Variants in LRP1 observed in about 807,000 individuals in gnomAD.
LRP1 encodes the protein LDL receptor related protein 1.
A neutral mutation model predicts 541.5 loss-of-function variants in LRP1; 51 were observed. The ratio of observed to expected loss-of-function variants is 0.09; its 90% confidence interval spans 0.08 to 0.12. LRP1 has a LOEUF of 0.12. LRP1 is among the 10% of genes least tolerant of loss of function. LRP1 has a pLI of 1.00. For missense variants in LRP1, 3,878 were observed against 6,376.2 expected (o/e 0.61, Z 13.34); for synonymous variants, 2,219 against 2,470.8 (o/e 0.90, Z 3.02).
chr12:57,152,725 G>A (rs963827865), intron 6 of LRP1, among the ~76,000 whole-genome samples: 5 of 152,112 alleles, frequency 3.3e-5, no homozygotes, highest in Admixed American at 1.3e-4. Flanking sequence ...GTAATACCTC[G>A]TCTCTGTGGC....
At chr12:57,169,846 C>G (rs758668634) in intron 20 of LRP1, among the ~76,000 whole-genome samples, 2 of 152,196 alleles carry the variant, frequency 1.3e-5, no homozygotes, top group Non-Finnish European at 2.9e-5. Flanking sequence ...GCCTCGGGGG[C>G]GGTGGGGACC....
At position 57,210,651 on chromosome 12, in the gene LRP1, A is replaced by G. The variant is rs543506425; in HGVS notation, c.12755-67A>G. ...CTTCTCGCCCAGGTCCCCCCAGCCC[A>G]TTCCTCTGCTATAGGGCCAGGTGGT... On this transcript the variant is annotated intron_variant, in intron 82 of 88. Transcript: ENST00000243077. 3.2e-6 allele frequency: 5 copies of G among 1,542,374 alleles called. No individual in the cohort carries two copies. In the Admixed American group the frequency reaches 7.0e-5, roughly 22 times the overall value.
At chr12:57,140,457 T>C (rs1213769276) in intron 2 of LRP1, among the ~76,000 whole-genome samples, 1 of 152,264 alleles carries the variant, frequency 6.6e-6, no homozygotes, top group Admixed American at 6.5e-5. Context: ...TAGTACAGTG[T>C]ATTCATATAA....
chr12:57,161,240 T>C, intron 13 of LRP1, 125 bp downstream of exon 13: 1 of 801,310 alleles, frequency 1.2e-6, no homozygotes, highest in Non-Finnish European at 2.0e-6. Flanking sequence ...CCTCTATAGA[T>C]GTGTGCATCT....
chr12:57,160,125 A>T (rs2035697741), intron 12 of LRP1, 120 bp downstream of exon 12: 1 of 958,622 alleles, frequency 1.0e-6, no homozygotes, highest in Non-Finnish European at 1.6e-6. Flanking sequence ...TTTAGCAGGA[A>T]TGAGAGTCTG....
chr12:57,157,084 C>T (rs1451420425), intron 10 of LRP1, among the ~76,000 whole-genome samples, 164 bp downstream of exon 10: 3 of 152,060 alleles, frequency 2.0e-5, no homozygotes, highest in Non-Finnish European at 2.9e-5. Flanking sequence ...AATCCATATT[C>T]GAAAAAAGTG....
At chr12:57,207,659 T>C (rs192474701) in intron 76 of LRP1, among the ~76,000 whole-genome samples, 1 of 152,276 alleles carries the variant, frequency 6.6e-6, no homozygotes, top group Admixed American at 6.5e-5. Context: ...GTGGGAATGG[T>C]CAGCAGCTGG....
chr12:57,162,375 A>T lies in LRP1; in HGVS notation c.2261A>T (p.Tyr754Phe), dbSNP rs149729113. 3.7e-5 allele frequency: 59 copies of T among 1,613,920 alleles called. No homozygotes were observed. The African/African-American group carries it at 6.9e-4, about 19-fold the overall frequency. The change falls in exon 14 of 89, where the codon TAC (tyrosine) becomes TTC (phenylalanine). Residue 754 changes from tyrosine to phenylalanine, a missense_variant. Coordinates refer to ENST00000243077, the MANE Select transcript of LRP1 (RefSeq NM_002332.3). This position sits in a 1 kb window ranked among gnomAD's most constrained non-coding sequence, Gnocchi z 5.2. ...TTTGGCCTGTGTCACCATGGCAACTACCTCTTCTGGACTGAGTATCGGAGT... is the reference window on the plus strand; with the variant it reads ...TTTGGCCTGTGTCACCATGGCAACTTCCTCTTCTGGACTGAGTATCGGAGT... ...HAFGLCHHGN[Y>F]LFWTEYRSGS...
chr12:57,197,962 C>T lies in LRP1; in HGVS notation c.9283-194C>T, dbSNP rs1428742807. Among the ~76,000 whole-genome samples, 2 of 152,200 alleles carry T rather than the reference C, an allele frequency of 1.3e-5. No individual in the cohort carries two copies. The highest frequency in any genetic ancestry group is 2.9e-5 in the Non-Finnish European group (2 of 68,028). On this transcript the variant is annotated intron_variant, in intron 58 of 88. Coordinates refer to ENST00000243077, the MANE Select transcript of LRP1 (RefSeq NM_002332.3). The surrounding 1 kb of genome is among the most constrained non-coding windows in gnomAD (Gnocchi z 4.5). ...CGTGGTCCCATTCACCTAGAGCCCC[C>T]TCTCCTAGAGCCTCTGCTGACACCT...
intron 67 of LRP1, 130 bp downstream of exon 67, chr12:57,202,035 G>A: frequency 5.6e-6 from 7 of 1,240,234 alleles, no homozygotes; most frequent in Non-Finnish European, 3.4e-6. Flanking sequence ...GGCTTCCTGG[G>A]CCTGCTGTGG....
rs2136736110 is a variant in LRP1 at position 57,198,688 on chromosome 12, G to A, written c.9676+18G>A. On this transcript the variant is annotated intron_variant, in intron 60 of 88. Coordinates refer to ENST00000243077, the MANE Select transcript of LRP1 (RefSeq NM_002332.3). ...CCACGTTGGTCAGTGTGCCAGTGAG[G>A]CTGTCCAGGCACAGCAGACTCAGTG... The A allele has an allele frequency of 1.3e-6, 2 of 1,593,336 alleles. No individual in the cohort carries two copies. Among genetic ancestry groups the A allele is most frequent in the Non-Finnish European group, 1.7e-6 (2 of 1,170,424 alleles).
In LRP1 at chr12:57,169,216, C is replaced by T. The variant is rs142153353; in HGVS notation, c.3072C>T (p.Ser1024=). ...CTAGCACCCAGTTCAAGTGCAACAG[C>T]GGGCGTTGCATCCCCGAGCACTGGA... The part of the protein sequence containing the change: ...SCSSTQFKCN[S]GRCIPEHWTC... The change falls in exon 20 of 89, where the codon AGC becomes AGT. Residue 1024 remains serine, a synonymous_variant. Transcript: ENST00000243077. 351 of 1,613,904 alleles carry T rather than the reference C, an allele frequency of 2.2e-4. No individual in the cohort carries two copies. Among genetic ancestry groups the T allele is most frequent in the Non-Finnish European group, 2.6e-4 (309 of 1,179,988 alleles).
Position 57,194,341 on chromosome 12 carries a change from C to T in LRP1, c.7919-13C>T, listed in dbSNP as rs1264894920. ...GGGGAACCAGGTATCACCCTCACCC[C>T]TGCCCCCACCAGGTGCCACCGACTG... On this transcript the variant is annotated splice_polypyrimidine_tract_variant and intron_variant, in intron 48 of 88. Transcript: ENST00000243077. The T allele has an allele frequency of 2.6e-6, 4 of 1,511,502 alleles. No homozygotes were observed. The highest frequency in any genetic ancestry group is 3.5e-6 in the Non-Finnish European group (4 of 1,131,538). The allele number at this position is 1,511,502 out of a possible 1,614,324, so 93.6% of individuals were successfully genotyped here.
chr12:57,166,942 C>G lies in LRP1; in HGVS notation c.2810C>G (p.Pro937Arg), dbSNP rs1000082331. The G allele has an allele frequency of 6.2e-7, 1 of 1,612,910 alleles. No individual in the cohort carries two copies. The highest frequency in any genetic ancestry group is 8.5e-7 in the Non-Finnish European group (1 of 1,178,942). The change falls in exon 18 of 89, where the codon CCC becomes CGC. Residue 937 changes from proline to arginine, a missense_variant. Around this residue, in one of 13 missense-constraint regions of LRP1, gnomAD observed 29 missense variants for 20.7 expected, o/e 1.40. Coordinates refer to ENST00000243077, the MANE Select transcript of LRP1 (RefSeq NM_002332.3). The stretch of plus-strand genomic sequence containing the variant: ...CCCTGCCCCCCAGCCCGCACCTGCC[C>G]CCCCAACCAGTTCTCCTGTGCCAGT... ...SNATCSARTC[P>R]PNQFSCASGR...
intron 6 of LRP1, among the ~76,000 whole-genome samples, chr12:57,151,984 C>T (rs1448788458): frequency 6.6e-6 from 1 of 152,166 alleles, no homozygotes; most frequent in Non-Finnish European, 1.5e-5. Context: ...TTCTTGCCAA[C>T]TCCTCACCGG....
chr12:57,153,609 G>C (rs1379380404), intron 6 of LRP1, among the ~76,000 whole-genome samples: 1 of 152,192 alleles, frequency 6.6e-6, no homozygotes, highest in Non-Finnish European at 1.5e-5. Context: ...GGGGACTGGG[G>C]CTGAGTAGAG....
At chr12:57,163,125 GA>G (rs2035771857) in intron 15 of LRP1, 142 bp downstream of exon 15, 2 of 1,246,724 alleles carry the variant, frequency 1.6e-6, no homozygotes, top group Non-Finnish European at 2.2e-6. Flanking sequence ...GGAAGCAAGG[GA>G]GGGGGAGAGC....
rs1436448812 is a variant in LRP1, at chr12:57,161,034, C to T, written c.2121C>T (p.Asp707=). The change falls in exon 13 of 89, where the codon GAC becomes GAT. Residue 707 remains aspartate (D), a synonymous_variant. Coordinates refer to ENST00000243077, the MANE Select transcript of LRP1 (RefSeq NM_002332.3). ...TVLWPNGLSL[D]IPAGRLYWVD... ...TTTGGCCCAATGGGCTAAGCCTGGA[C>T]ATCCCGGCTGGGCGCCTCTACTGGG... is the stretch of plus-strand genomic sequence containing the variant. The T allele has an allele frequency of 3.1e-6, 5 of 1,613,986 alleles. No homozygotes were observed. Among genetic ancestry groups the T allele is most frequent in the Non-Finnish European group, 4.2e-6 (5 of 1,180,038 alleles).
intron 1 of LRP1, among the ~76,000 whole-genome samples, chr12:57,134,122 T>C (rs935185447): frequency 6.8e-6 from 1 of 147,208 alleles, no homozygotes; most frequent in African/African-American, 2.5e-5. Context: ...CTGGGCTGGG[T>C]GCCTGGGTTT....
Sources: allele counts gnomAD v4.1 joint callset (sites outside exome capture counted in the v4.1 genomes callset), GRCh38; gene constraint gnomAD v4.1.1; regional missense constraint gnomAD v4.1.1; non-coding constraint Gnocchi (gnomAD v3.1); transcripts MANE v1.5; gene names NCBI Gene and HGNC (gene_info 2026-07-23, HGNC 2026-07-21).